PARVB: variants seen among roughly 807,000 people sequenced by gnomAD.
The protein encoded by PARVB is parvin beta.
Under a neutral mutation model 47.0 loss-of-function variants are expected in PARVB, and 46 were observed. The observed-to-expected ratio is 0.98, with a 90% CI of 0.77 to 1.25. PARVB has a LOEUF of 1.25. PARVB is among the 50% of genes most tolerant of loss of function. PARVB has a pLI of 0.00. For missense variants in PARVB, 473 were observed against 471.6 expected (o/e 1.00, Z -0.03); for synonymous variants, 196 against 196.3 (o/e 1.00, Z 0.01).
At chr22:44,080,426 T>A (rs995684292) in intron 1 of PARVB, among the ~76,000 whole-genome samples, 2 of 152,218 alleles carry the variant, frequency 1.3e-5, no homozygotes. Context: ...CCTTAGTGCC[T>A]GGCCTCTTCC....
rs1174916305 is a variant in PARVB, at chr22:44,094,081, T to C, written c.202+64T>C. ...AGCTTCCGTGGCACTAAGTTGGTCT[T>C]GGGGAGGCCAATGAGGAGCCCGATA... On this transcript the variant is annotated intron_variant, in intron 2 of 12. Transcript: ENST00000338758. 4 of 973,204 alleles carry C rather than the reference T, an allele frequency of 4.1e-6. No homozygotes were observed. In the East Asian group the frequency reaches 9.8e-5, roughly 24 times the overall value. 60.3% of individuals were successfully genotyped at this position (973,204 alleles called of 1,614,324 possible). A position where few individuals can be genotyped will look rare whatever the true frequency, so the allele number is the denominator to read the frequency against.
chr22:44,095,789 C>T (rs975833661), intron 2 of PARVB, among the ~76,000 whole-genome samples: 2 of 152,136 alleles, frequency 1.3e-5, no homozygotes, highest in African/African-American at 2.4e-5. Context: ...TTGTGGTTTC[C>T]GTGACGAGGC....
chr22:44,110,714 C>T (rs1009989355), intron 3 of PARVB: 3 of 152,180 alleles, frequency 2.0e-5, no homozygotes, highest in African/African-American at 7.2e-5. Flanking sequence ...ATTCTCCTGC[C>T]TCAGCCTCTC....
chr22:44,154,563 T>C, intron 10 of PARVB, among the ~76,000 whole-genome samples: 1 of 147,012 alleles, frequency 6.8e-6, no homozygotes, highest in East Asian at 2.1e-4. Context: ...GTGTGGTTTA[T>C]GTAGTCTGGT....
chr22:44,084,333 C>T (rs1056472789), intron 1 of PARVB, among the ~76,000 whole-genome samples: 3 of 152,352 alleles, frequency 2.0e-5, no homozygotes, highest in Non-Finnish European at 4.4e-5. Context: ...GGAGGGGTGG[C>T]TCTCTCTGAG....
At chr22:44,030,499 A>G (rs2050806404) in intron 1 of PARVB, among the ~76,000 whole-genome samples, 1 of 152,140 alleles carries the variant, frequency 6.6e-6, no homozygotes, top group Non-Finnish European at 1.5e-5. Flanking sequence ...TCCCACAAAC[A>G]CAGGAGCTTG....
intron 1 of PARVB, among the ~76,000 whole-genome samples, chr22:44,057,195 T>C (rs1354355598): frequency 6.6e-6 from 1 of 152,082 alleles, no homozygotes; most frequent in Non-Finnish European, 1.5e-5. Context: ...TAAATTAAAT[T>C]AGGGGACTTG....
chr22:44,127,725 G>C (rs1392094975), intron 4 of PARVB, among the ~76,000 whole-genome samples: 1 of 114,838 alleles, frequency 8.7e-6, no homozygotes, highest in Non-Finnish European at 1.9e-5. Flanking sequence ...ACAGACTTCT[G>C]GTTTGGCCAT....
chr22:44,035,806 T>G (rs1285036014), intron 1 of PARVB, among the ~76,000 whole-genome samples: 1 of 152,134 alleles, frequency 6.6e-6, no homozygotes, highest in African/African-American at 2.4e-5. Flanking sequence ...ACTTTTTTTT[T>G]TTTTTACTAT....
chr22:44,121,863 A>C (rs75301069), intron 4 of PARVB, among the ~76,000 whole-genome samples: 3 of 152,212 alleles, frequency 2.0e-5, no homozygotes, highest in African/African-American at 7.2e-5. Flanking sequence ...TATATTTGCT[A>C]TTTACTCTGA....
rs565714309 is a variant in PARVB at position 44,095,576 on chromosome 22, A to G, written c.202+1559A>G. Among the ~76,000 whole-genome samples the G allele has an allele frequency of 2.0e-5, 3 of 152,140 alleles. No individual in the cohort carries two copies. The South Asian group carries it at 6.2e-4, about 32-fold the overall frequency. ...TGCTTCTTCCCTTTGGGCCAGCCAGAGCTGCCCGCGGCCTGGGCTTGCAGG... is the reference window on the plus strand; with the variant it reads ...TGCTTCTTCCCTTTGGGCCAGCCAGGGCTGCCCGCGGCCTGGGCTTGCAGG... On this transcript the variant is annotated intron_variant, in intron 2 of 12. Transcript: ENST00000338758.
At chr22:44,019,585 A>G (rs1315138851), upstream of PARVB, among the ~76,000 whole-genome samples, 1 of 152,230 alleles carries the variant, frequency 6.6e-6, no homozygotes, top group African/African-American at 2.4e-5. Flanking sequence ...CACAAGCAGC[A>G]TGGCACAGCA....
chr22:44,044,406 G>C (rs974278945), intron 1 of PARVB, among the ~76,000 whole-genome samples: 6 of 152,240 alleles, frequency 3.9e-5, no homozygotes, highest in Non-Finnish European at 8.8e-5. Flanking sequence ...TAGCCAGGAT[G>C]GTCTCGATCT....
chr22:44,167,830 T>A (rs1488769161), intron 12 of PARVB, among the ~76,000 whole-genome samples: 1 of 152,214 alleles, frequency 6.6e-6, no homozygotes, highest in African/African-American at 2.4e-5. Flanking sequence ...CATGTGAGTC[T>A]TGGTCCTCTT....
chr22:44,122,142 T>A (rs1226933514), intron 4 of PARVB, among the ~76,000 whole-genome samples: 3 of 152,220 alleles, frequency 2.0e-5, no homozygotes, highest in Non-Finnish European at 4.4e-5. Context: ...ATATTACTTT[T>A]AAAAATGTAA....
At chr22:44,004,037 T>C (rs1373520629) in intron 2 of PARVB, among the ~76,000 whole-genome samples, 1 of 152,212 alleles carries the variant, frequency 6.6e-6, no homozygotes, top group African/African-American at 2.4e-5. Context: ...ACTCTTGGGA[T>C]GGAAGCCTCT....
chr22:44,080,108 TTCA>T (rs2051866602), intron 1 of PARVB, among the ~76,000 whole-genome samples: 1 of 152,152 alleles, frequency 6.6e-6, no homozygotes, highest in Non-Finnish European at 1.5e-5. Context: ...CCATGTCAGT[TTCA>T]GTAACGCTTG....
intron 10 of PARVB, chr22:44,151,884 C>T: frequency 3.6e-6 from 1 of 274,224 alleles, no homozygotes; most frequent in Non-Finnish European, 7.2e-6. Context: ...GCCTCCCTCC[C>T]AGCTTCTGTG....
chr22:44,096,670 G>A lies in PARVB; in HGVS notation c.202+2653G>A, dbSNP rs1041122695. On this transcript the variant is annotated intron_variant, in intron 2 of 12. Transcript: ENST00000338758. Reference sequence around the variant, plus strand: ...AGTAAGTGCCAAAGTCTTGAACCCCGGGCATTTTGCCCCCAGAGCTAGGCT... The same window carrying A: ...AGTAAGTGCCAAAGTCTTGAACCCCAGGCATTTTGCCCCCAGAGCTAGGCT... Among the ~76,000 whole-genome samples, 7 of 152,078 alleles carry A rather than the reference G, an allele frequency of 4.6e-5. No homozygotes were observed. In the South Asian group the frequency reaches 1.0e-3, roughly 23 times the overall value.
Sources: gnomAD v4.1 joint callset for allele counts (sites outside exome capture counted in the v4.1 genomes callset) on GRCh38, gnomAD v4.1.1 for gene constraint, MANE v1.5 for transcripts, NCBI Gene and HGNC (gene_info 2026-07-23, HGNC 2026-07-21) for gene names.